The following LINC00632 variants were observed in gnomAD, a reference collection of about 807,000 sequenced individuals.
The protein encoded by LINC00632 is ALDOA related specific transcript.
At chrX:140,733,645 T>C (rs891851428) in intron 2 of LINC00632, among the ~76,000 whole-genome samples, 6 of 112,438 alleles carry the variant, frequency 5.3e-5, no homozygotes, top group African/African-American at 1.6e-4. Flanking sequence ...GTGGTCAAAC[T>C]GCATGATTAT....
At chrX:140,727,978 C>T (rs1292525752) in intron 2 of LINC00632, among the ~76,000 whole-genome samples, 2 of 111,698 alleles carry the variant, frequency 1.8e-5, no homozygotes, top group Admixed American at 9.5e-5. Flanking sequence ...TGGTGGCTCA[C>T]GCCTGTAATC....
intron 2 of LINC00632, among the ~76,000 whole-genome samples, chrX:140,712,857 G>GA (rs759355577): frequency 6.1e-5 from 6 of 98,785 alleles, no homozygotes; most frequent in African/African-American, 2.2e-4. Context: ...TTCTGGGGGG[G>GA]AAAAAAAAGG....
intron 2 of LINC00632, among the ~76,000 whole-genome samples, chrX:140,732,182 C>T (rs1398693586): frequency 1.3e-4 from 14 of 110,387 alleles, no homozygotes; most frequent in Admixed American, 1.9e-4. Flanking sequence ...CCAGCCTGGG[C>T]GACAAGAGTG....
intron 2 of LINC00632, among the ~76,000 whole-genome samples, chrX:140,726,832 A>T (rs1930971389): frequency 9.0e-6 from 1 of 111,567 alleles, no homozygotes; most frequent in Non-Finnish European, 1.9e-5. Flanking sequence ...TTCTCAAAAC[A>T]TATACTCCAT....
chrX:140,783,480 T>A, exon 5 of LINC00632: 1 of 868,304 alleles, frequency 1.2e-6, no homozygotes, highest in Non-Finnish European at 1.6e-6. Flanking sequence ...AGGTCTTCCA[T>A]CAAATACAGA....
At chrX:140,753,395 C>T (rs1448537144) in intron 3 of LINC00632, among the ~76,000 whole-genome samples, 1 of 111,391 alleles carries the variant, frequency 9.0e-6, no homozygotes, top group Non-Finnish European at 1.9e-5. Flanking sequence ...TTTTTTTATA[C>T]AGGGCCATGT....
Position 140,760,684 on chromosome X carries a change from T to A in LINC00632, n.192-11394T>A, listed in dbSNP as rs376699516. On this transcript the variant is annotated intron_variant and non_coding_transcript_variant, in intron 3 of 4. Coordinates refer to ENST00000648200, the Ensembl canonical transcript of LINC00632. Reference sequence around the variant, plus strand: ...TACTTGGGAAGCTGAGGCAGGAGAATCACTTGAACCCGGGAGGCAGAGGTT... The same window carrying A: ...TACTTGGGAAGCTGAGGCAGGAGAAACACTTGAACCCGGGAGGCAGAGGTT... Among the ~76,000 whole-genome samples, 9 of 111,303 alleles carry A rather than the reference T, an allele frequency of 8.1e-5. No homozygotes were observed. In the South Asian group the frequency reaches 1.5e-3, roughly 19 times the overall value.
At chrX:140,731,042 C>G in intron 2 of LINC00632, among the ~76,000 whole-genome samples, 1 of 110,316 alleles carries the variant, frequency 9.1e-6, no homozygotes, top group Non-Finnish European at 1.9e-5. Flanking sequence ...GCTGGGATTA[C>G]AGGTGCGTGC....
intron 2 of LINC00632, among the ~76,000 whole-genome samples, chrX:140,723,560 GAC>G (rs1930791372): frequency 8.1e-4 from 2 of 2,463 alleles, no homozygotes; most frequent in Middle Eastern, 0.14. Flanking sequence ...CACATACACA[GAC>G]ACACATTCCA....
chrX:140,784,451 C>G, exon 5 of LINC00632: 9 of 1,080,459 alleles, frequency 8.3e-6, no homozygotes, highest in Non-Finnish European at 1.1e-5. Context: ...CTTCCTATAT[C>G]TCCAGGTCTT....
chrX:140,712,397 T>C (rs1602729439), intron 2 of LINC00632, among the ~76,000 whole-genome samples: 1 of 90,685 alleles, frequency 1.1e-5, no homozygotes, highest in Non-Finnish European at 2.1e-5. Flanking sequence ...TTAAAGTTCC[T>C]CCTTCAACCT....
chrX:140,719,719 T>C (rs1930695528), intron 2 of LINC00632, among the ~76,000 whole-genome samples: 1 of 110,898 alleles, frequency 9.0e-6, no homozygotes, highest in South Asian at 3.8e-4. Flanking sequence ...TGTGCAGATA[T>C]GTTCTGCAAC....
chrX:140,722,820 C>CG (rs747938535), intron 2 of LINC00632, among the ~76,000 whole-genome samples: 1 of 111,228 alleles, frequency 9.0e-6, no homozygotes, highest in East Asian at 2.8e-4. Context: ...GAGGCTGAGG[C>CG]GGGCGGATCA....
exon 5 of LINC00632, among the ~76,000 whole-genome samples, chrX:140,788,000 A>T (rs1373011615): frequency 1.8e-5 from 2 of 110,498 alleles, no homozygotes; most frequent in Non-Finnish European, 3.8e-5. Context: ...GGTAGATTTT[A>T]CTTCTAGAAT....
At chrX:140,743,692 T>C (rs1227173649) in intron 3 of LINC00632, among the ~76,000 whole-genome samples, 1 of 111,652 alleles carries the variant, frequency 9.0e-6, no homozygotes, top group African/African-American at 3.3e-5. Context: ...GCAGTATTCA[T>C]GTACCATATT....
At chrX:140,777,981 G>T (rs1371883552) in exon 5 of LINC00632, among the ~76,000 whole-genome samples, 2 of 112,197 alleles carry the variant, frequency 1.8e-5, no homozygotes, top group African/African-American at 6.5e-5. Context: ...AGGAAGTAGG[G>T]CATAATGCCA....
chrX:140,782,471 C>T (rs1259987080), exon 5 of LINC00632: 1 of 111,520 alleles, frequency 9.0e-6, no homozygotes, highest in Non-Finnish European at 1.9e-5. Context: ...CTAATATCTC[C>T]AACAACCCAT....
At chrX:140,741,338 C>T (rs948827848) in intron 3 of LINC00632, among the ~76,000 whole-genome samples, 2 of 112,035 alleles carry the variant, frequency 1.8e-5, no homozygotes, top group Non-Finnish European at 3.8e-5. Flanking sequence ...AGTAAATATT[C>T]CAGTGGGTAC....
intron 2 of LINC00632, among the ~76,000 whole-genome samples, chrX:140,729,935 G>A (rs1206907115): frequency 1.0e-5 from 1 of 96,991 alleles, no homozygotes; most frequent in Non-Finnish European, 2.0e-5. Context: ...GGAGTGCAGT[G>A]GCACAATCTT....
Sources: gnomAD v4.1 joint callset for allele counts (sites outside exome capture counted in the v4.1 genomes callset) on GRCh38, gnomAD v4.1.1 for gene constraint, MANE v1.5 for transcripts, NCBI Gene and HGNC (gene_info 2026-07-23, HGNC 2026-07-21) for gene names.